The following BRINP1 variants were observed in gnomAD, a reference collection of about 807,000 sequenced individuals.
The protein encoded by BRINP1 is BMP/retinoic acid-inducible neural-specific protein 1.
A neutral mutation model predicts 72.9 loss-of-function variants in BRINP1; 17 were observed. That is an observed-to-expected ratio of 0.23 (90% CI 0.16 to 0.35). The LOEUF (loss-of-function observed/expected upper bound fraction) is 0.35, where lower values mean the gene tolerates loss of function less well. BRINP1 is among the 10% of genes least tolerant of loss of function. The pLI is 1.00. For missense variants in BRINP1, 850 were observed against 1,001.6 expected, an observed-to-expected ratio of 0.85 and a Z score of 2.04; for synonymous variants, 418 against 378.5, an observed-to-expected ratio of 1.10 and a Z score of -1.21.
intron 5 of BRINP1, among the ~76,000 whole-genome samples, chr9:119,234,268 T>G (rs996224929): frequency 6.6e-6 from 1 of 152,212 alleles, no homozygotes; most frequent in African/African-American, 2.4e-5. Context: ...TGCTTCACAT[T>G]GTCCCTCCTT....
intron 1 of BRINP1, among the ~76,000 whole-genome samples, chr9:119,321,341 G>A (rs1236871972): frequency 1.3e-5 from 2 of 152,194 alleles, no homozygotes; most frequent in African/African-American, 4.8e-5. Flanking sequence ...ACTGGAGACT[G>A]TGCTGCCCAG....
At chr9:119,225,001 T>C (rs542027457) in intron 5 of BRINP1, among the ~76,000 whole-genome samples, 3 of 152,006 alleles carry the variant, frequency 2.0e-5, no homozygotes, top group Non-Finnish European at 4.4e-5. Context: ...TTTAATTTAA[T>C]TACCATATGA....
intron 5 of BRINP1, among the ~76,000 whole-genome samples, chr9:119,221,954 G>C (rs1211472675): frequency 6.6e-6 from 1 of 152,106 alleles, no homozygotes; most frequent in Non-Finnish European, 1.5e-5. Flanking sequence ...GGTTATCATT[G>C]ACCCACATTC....
In BRINP1 at chr9:119,339,975, T is replaced by A. The variant is rs943471972; in HGVS notation, c.-50-26570A>T. Among the ~76,000 whole-genome samples, 15 of 152,016 alleles carry A rather than the reference T, an allele frequency of 9.9e-5. 1 individual carries two copies. Among genetic ancestry groups the A allele is most frequent in the Admixed American group, 6.6e-5 (1 of 15,264 alleles). ...TTTGTCTGCCCAGCTGCTCCCACAC[T>A]CATTCCCTCTCCCTGCCCCTCCCCA... On this transcript the variant is annotated intron_variant, in intron 1 of 7. Transcript: ENST00000265922.
intron 5 of BRINP1, among the ~76,000 whole-genome samples, chr9:119,217,423 T>A (rs572122452): frequency 6.6e-6 from 1 of 152,206 alleles, no homozygotes; most frequent in East Asian, 1.9e-4. Context: ...GCCAAGCATA[T>A]AAATTTTGCC....
chr9:119,184,351 C>CT (rs922809447), intron 7 of BRINP1, among the ~76,000 whole-genome samples: 4 of 151,902 alleles, frequency 2.6e-5, no homozygotes, highest in Non-Finnish European at 4.4e-5. Context: ...ACCTCACTAC[C>CT]TTTTTTTTCC....
At position 119,208,875 on chromosome 9, in the gene BRINP1, T is replaced by C; in HGVS notation, c.989A>G (p.Gln330Arg). 6.2e-7 allele frequency: 1 copy of C among 1,614,176 alleles called. No individual in the cohort carries two copies. Among genetic ancestry groups the C allele is most frequent in the Non-Finnish European group, 8.5e-7 (1 of 1,180,024 alleles). ...NHFLTIGSIH[Q>R]HWGNDWDLQN... Reference sequence around the variant, plus strand: ...CAGGTCCCAGTCATTGCCCCAGTGCTGATGGATGCTTCCGATGGTCAGGAA... The same window carrying C: ...CAGGTCCCAGTCATTGCCCCAGTGCCGATGGATGCTTCCGATGGTCAGGAA... The change falls in exon 7 of 8, where the codon CAG becomes CGG. Residue 330 changes from glutamine (Q) to arginine (R), a missense_variant. Gln to Arg is a conservative substitution (Grantham distance 43, BLOSUM62 1). Transcript: ENST00000265922.
chr9:119,325,103 GGAAAGAAA>G (rs566880860), intron 1 of BRINP1, among the ~76,000 whole-genome samples: 2 of 148,064 alleles, frequency 1.4e-5, no homozygotes, highest in African/African-American at 5.0e-5. Flanking sequence ...TCTGTCAAAA[GGAAAGAAA>G]GAAAGAAAGA....
chr9:119,266,694 C>T (rs1830551280), intron 2 of BRINP1, among the ~76,000 whole-genome samples: 1 of 152,198 alleles, frequency 6.6e-6, no homozygotes, highest in Non-Finnish European at 1.5e-5. Context: ...CCATTCTACC[C>T]TCTGCTTCTA....
intron 7 of BRINP1, among the ~76,000 whole-genome samples, chr9:119,169,828 CCCCTGAG>C (rs1666142974): frequency 6.6e-6 from 1 of 152,168 alleles, no homozygotes; most frequent in Admixed American, 6.5e-5. Flanking sequence ...TGACCCCTGA[CCCCTGAG>C]CAGCCTAACT....
chr9:119,175,193 A>T (rs2118829380), intron 7 of BRINP1, among the ~76,000 whole-genome samples: 1 of 152,258 alleles, frequency 6.6e-6, no homozygotes, highest in African/African-American at 2.4e-5. Flanking sequence ...ATCCATAAAA[A>T]AGGATGAGTT....
chr9:119,253,896 T>C (rs1421024074), intron 2 of BRINP1, among the ~76,000 whole-genome samples: 2 of 152,182 alleles, frequency 1.3e-5, no homozygotes, highest in African/African-American at 4.8e-5. Flanking sequence ...CTGTTCTCAC[T>C]GGCCAACAAT....
intron 1 of BRINP1, among the ~76,000 whole-genome samples, chr9:119,326,465 G>A (rs564616773): frequency 4.6e-5 from 7 of 152,256 alleles, no homozygotes; most frequent in Non-Finnish European, 1.0e-4. Context: ...AATTATTTTT[G>A]TAATTTTTTT....
chr9:119,186,506 C>T lies in BRINP1; in HGVS notation c.1146-18282G>A, dbSNP rs116628783. On this transcript the variant is annotated intron_variant, in intron 7 of 7. Transcript: ENST00000265922. ...CTCCAGCCCAGCAGAAAAGCCATGC[C>T]CAAGCTGGCAGAGCAGCCTTGCACA... Among the ~76,000 whole-genome samples the T allele has an allele frequency of 2.8e-3, 433 of 152,242 alleles. 3 individuals are homozygous for T. The highest frequency in any genetic ancestry group is 0.01 in the African/African-American group (417 of 41,550).
At chr9:119,354,954 G>GA (rs1564256061) in intron 1 of BRINP1, among the ~76,000 whole-genome samples, 1 of 152,084 alleles carries the variant, frequency 6.6e-6, no homozygotes, top group Non-Finnish European at 1.5e-5. Context: ...GCAAAACAGA[G>GA]AAAAAAACTA....
rs543742373 is a variant in BRINP1 at position 119,268,620 on chromosome 9, G to A, written c.219-19470C>T. Among the ~76,000 whole-genome samples, 8 of 152,284 alleles carry A rather than the reference G, an allele frequency of 5.3e-5. No homozygotes were observed. The East Asian group carries it at 5.8e-4, about 11-fold the overall frequency. On this transcript the variant is annotated intron_variant, in intron 2 of 7. Coordinates refer to ENST00000265922, the MANE Select transcript of BRINP1 (RefSeq NM_014618.3). The stretch of plus-strand genomic sequence containing the variant: ...TGATTTTTATTTATCTATGGCAATC[G>A]TGTCACTGCCTAGATTTATCTTATT...
intron 5 of BRINP1, among the ~76,000 whole-genome samples, chr9:119,232,126 T>C (rs1205307695): frequency 6.6e-6 from 1 of 152,176 alleles, no homozygotes; most frequent in Non-Finnish European, 1.5e-5. Context: ...TCTACCATTG[T>C]AGTTGCTCAG....
intron 1 of BRINP1, among the ~76,000 whole-genome samples, chr9:119,364,337 C>T (rs529207514): frequency 3.3e-5 from 5 of 152,148 alleles, no homozygotes; most frequent in South Asian, 2.1e-4. Context: ...CTGGTTTGTG[C>T]GGTAATGAAC....
At chr9:119,342,336 A>G (rs888584572) in intron 1 of BRINP1, among the ~76,000 whole-genome samples, 3 of 152,230 alleles carry the variant, frequency 2.0e-5, no homozygotes, top group Non-Finnish European at 2.9e-5. Flanking sequence ...TGGATTGAAA[A>G]GACAATAGAA....
Sources: allele counts gnomAD v4.1 joint callset (sites outside exome capture counted in the v4.1 genomes callset), GRCh38; gene constraint gnomAD v4.1.1; transcripts MANE v1.5; gene names NCBI Gene and HGNC (gene_info 2026-07-23, HGNC 2026-07-21).